LGALS8: variants seen among roughly 807,000 people sequenced by gnomAD.
The protein encoded by LGALS8 is galectin-8.
Under a neutral mutation model 35.9 loss-of-function variants are expected in LGALS8, and 30 were observed. That is an observed-to-expected ratio of 0.83 (90% confidence interval 0.62 to 1.13). The LOEUF (loss-of-function observed/expected upper bound fraction) is 1.13, where lower values mean the gene tolerates loss of function less well. Among genes scored for constraint, LGALS8 ranks in the 50% most tolerant of loss-of-function variants. The probability of loss-of-function intolerance (pLI) is 0.00; values close to 1 mark genes in which losing one functional copy is unlikely to be tolerated. For synonymous variants in LGALS8, 138 were observed against 136.1 expected, an observed-to-expected ratio of 1.01 and a Z score of -0.10; for missense variants, 366 against 388.7, an observed-to-expected ratio of 0.94 and a Z score of 0.49.
At position 236,544,907 on chromosome 1, in the gene LGALS8, T is replaced by C. The variant is rs1328598391; in HGVS notation, c.796T>C (p.Tyr266His). The C allele has an allele frequency of 1.2e-6, 2 of 1,605,116 alleles. No individual in the cohort carries two copies. Among genetic ancestry groups the C allele is most frequent in the Admixed American group, 1.7e-5 (1 of 58,856 alleles). Residue 266 changes from tyrosine (Y) to histidine (H), a missense_variant, in exon 9 of 10, where the codon TAC becomes CAC. Coordinates refer to ENST00000366584, the MANE Select transcript of LGALS8 (RefSeq NM_201544.4). Reference sequence around the variant, plus strand: ...CTCTTTCCCATTTAGTCCTGGGATGTACTTTGAGGTGAGGTTACAGTTTTT... The same window carrying C: ...CTCTTTCCCATTTAGTCCTGGGATGCACTTTGAGGTGAGGTTACAGTTTTT... ...ITSFPFSPGM[Y>H]FEMIIYCDVR...
Position 236,552,344 on chromosome 1 carries a change from A to C in LGALS8, c.*4183A>C, listed in dbSNP as rs1247829049. 3.3e-6 allele frequency: 1 copy of C among 305,416 alleles called. No homozygotes were observed. Among genetic ancestry groups the C allele is most frequent in the East Asian group, 5.3e-5 (1 of 18,800 alleles). 18.9% of individuals were successfully genotyped at this position (305,416 alleles called of 1,614,324 possible). A position where few individuals can be genotyped will look rare whatever the true frequency, so the allele number is the denominator to read the frequency against. On this transcript the variant is annotated 3_prime_UTR_variant, in exon 10 of 10. Transcript: ENST00000366584. ...TTCCAAACTGTGTCCCAGGACTGCAAATCTTTAATGTGAAATGTCTTTTTA... is the reference window on the plus strand; with the variant it reads ...TTCCAAACTGTGTCCCAGGACTGCACATCTTTAATGTGAAATGTCTTTTTA...
In LGALS8 at chr1:236,539,551, C is replaced by T. The variant is rs892126268; in HGVS notation, c.345+462C>T. On this transcript the variant is annotated intron_variant, in intron 4 of 9. Transcript: ENST00000366584. ...AGGAGATCCTAGAAATCCTTGATGT[C>T]AGTTCCATCTCTGGCTTCATGGAGT... is the stretch of plus-strand genomic sequence containing the variant. Among the ~76,000 whole-genome samples the T allele has an allele frequency of 7.9e-5, 12 of 152,164 alleles. 1 individual carries two copies. Among genetic ancestry groups the T allele is most frequent in the African/African-American group, 2.9e-4 (12 of 41,410 alleles).
At chr1:236,543,187 G>T in intron 7 of LGALS8, 2 of 711,324 alleles carry the variant, frequency 2.8e-6, no homozygotes, top group Non-Finnish European at 2.4e-6. Context: ...AGTCAACCAG[G>T]CCTGCCTCTG....
chr1:236,547,630 T>C (rs1207008644), intron 9 of LGALS8, among the ~76,000 whole-genome samples: 2 of 91,958 alleles, frequency 2.2e-5, no homozygotes, highest in African/African-American at 6.6e-5. Flanking sequence ...AAAGCAACCA[T>C]ATTAGGAGTG....
chr1:236,543,615 T>C lies in LGALS8; in HGVS notation c.605T>C (p.Val202Ala), dbSNP rs930668604. 2.5e-6 allele frequency: 4 copies of C among 1,614,024 alleles called. No homozygotes were observed. The highest frequency in any genetic ancestry group is 1.7e-6 in the Non-Finnish European group (2 of 1,179,964). The change falls in exon 8 of 10, where the codon GTC (valine) becomes GCC (alanine). Residue 202 changes from valine to alanine, a missense_variant. Coordinates refer to ENST00000366584, the MANE Select transcript of LGALS8 (RefSeq NM_201544.4). ...NTPMGPGRTVVVKGEVNANAK... is the reference protein window; with the variant it reads ...NTPMGPGRTVAVKGEVNANAK... ...CCCATGGGCCCTGGACGAACTGTCG[T>C]CGTTAAAGGAGAAGTGAATGCAAAT... is the stretch of plus-strand genomic sequence containing the variant.
At chr1:236,522,471 T>C (rs1660582526), upstream of LGALS8, among the ~76,000 whole-genome samples, 1 of 152,064 alleles carries the variant, frequency 6.6e-6, no homozygotes, top group Non-Finnish European at 1.5e-5. Flanking sequence ...CTGGGCATAG[T>C]GGTGTGCGTC....
intron 8 of LGALS8, 45 bp from the exon 9 acceptor site, chr1:236,544,705 C>T (rs1262436125): frequency 1.3e-5 from 20 of 1,502,050 alleles, no homozygotes; most frequent in Non-Finnish European, 1.6e-5. Context: ...CTACTCTGTC[C>T]TACTTGGTTA....
chr1:236,543,388 A>G, intron 7 of LGALS8, 172 bp from the exon 8 acceptor site: 1 of 708,536 alleles, frequency 1.4e-6, no homozygotes, highest in Non-Finnish European at 2.6e-6. Context: ...GCTTCGAGCC[A>G]GGGACAGTGC....
chr1:236,547,746 AG>A (rs748272526), intron 9 of LGALS8, among the ~76,000 whole-genome samples: 13 of 152,156 alleles, frequency 8.5e-5, no homozygotes, highest in Non-Finnish European at 1.6e-4. Context: ...GGCTGTGTTG[AG>A]GAAAGGAGGG....
chr1:236,540,517 GT>G (rs745348275), intron 4 of LGALS8, 46 bp from the exon 5 acceptor site: 393 of 1,277,276 alleles, frequency 3.1e-4, no homozygotes, highest in South Asian at 9.1e-4. Context: ...TTTATTAACT[GT>G]TTTTTTTTGG....
chr1:236,518,857 T>G (rs1660474411), upstream of LGALS8, among the ~76,000 whole-genome samples: 1 of 152,130 alleles, frequency 6.6e-6, no homozygotes, highest in African/African-American at 2.4e-5. Flanking sequence ...TCCAAAAATT[T>G]TACAATCATG....
intron 7 of LGALS8, chr1:236,543,280 G>C: frequency 1.6e-6 from 1 of 636,196 alleles, no homozygotes; most frequent in Non-Finnish European, 2.8e-6. Context: ...TCAGACCCCA[G>C]GCACAGGGGG....
Position 236,552,344 on chromosome 1 carries a change from A to T in LGALS8, c.*4183A>T. The T allele has an allele frequency of 3.3e-6, 1 of 305,534 alleles. No individual in the cohort carries two copies. The highest frequency in any genetic ancestry group is 6.0e-6 in the Non-Finnish European group (1 of 167,588). The allele number at this position is 305,534 out of a possible 1,614,324, so 18.9% of individuals were successfully genotyped here. On this transcript the variant is annotated 3_prime_UTR_variant, in exon 10 of 10. Coordinates refer to ENST00000366584, the MANE Select transcript of LGALS8 (RefSeq NM_201544.4). ...TTCCAAACTGTGTCCCAGGACTGCA[A>T]ATCTTTAATGTGAAATGTCTTTTTA... is the stretch of plus-strand genomic sequence containing the variant.
intron 2 of LGALS8, among the ~76,000 whole-genome samples, chr1:236,532,759 G>A (rs1306765717): frequency 2.0e-5 from 3 of 152,140 alleles, no homozygotes; most frequent in African/African-American, 4.8e-5. Context: ...CAGGAGAATC[G>A]CTTGAACCCG....
At chr1:236,539,132 A>G in intron 4 of LGALS8, 43 bp downstream of exon 4, 14 of 1,462,822 alleles carry the variant, frequency 9.6e-6, no homozygotes, top group Non-Finnish European at 1.3e-5. Context: ...ATTAGTGAGC[A>G]GGAGTGCACA....
Position 236,549,018 on chromosome 1 carries a change from A to C in LGALS8, c.*857A>C, listed in dbSNP as rs1214793179. The C allele has an allele frequency of 1.3e-5, 5 of 398,516 alleles. No homozygotes were observed. The highest frequency in any genetic ancestry group is 2.2e-5 in the Non-Finnish European group (5 of 226,060). The allele number at this position is 398,516 out of a possible 1,614,324, so 24.7% of individuals were successfully genotyped here. A position where few individuals can be genotyped will look rare whatever the true frequency, so the allele number is the denominator to read the frequency against. Reference sequence around the variant, plus strand: ...AGGCAAGATGCATTCAATTTGAAAGATATTTATGGGCAACAAAGTAAGGTC... The same window carrying C: ...AGGCAAGATGCATTCAATTTGAAAGCTATTTATGGGCAACAAAGTAAGGTC... On this transcript the variant is annotated 3_prime_UTR_variant, in exon 10 of 10. Transcript: ENST00000366584.
intron 7 of LGALS8, 132 bp downstream of exon 7, chr1:236,542,919 G>C (rs1416569266): frequency 6.2e-7 from 1 of 1,614,158 alleles, no homozygotes; most frequent in Non-Finnish European, 8.5e-7. Context: ...CTACAGCCTA[G>C]TAATAGAGGA....
chr1:236,551,300 A>G lies in LGALS8; in HGVS notation c.*3139A>G. ...TCCAAGAGCTAAGAAACAAAGGAGA[A>G]TGTACTTTTGTAGCTTAGATAAGCA... is the stretch of plus-strand genomic sequence containing the variant. On this transcript the variant is annotated 3_prime_UTR_variant, in exon 10 of 10. Transcript: ENST00000366584. The G allele has an allele frequency of 3.1e-6, 1 of 327,194 alleles. No homozygotes were observed. The highest frequency in any genetic ancestry group is 4.8e-5 in the South Asian group (1 of 20,642). The allele number at this position is 327,194 out of a possible 1,614,324, so 20.3% of individuals were successfully genotyped here.
chr1:236,535,417 T>C (rs1023038265), intron 2 of LGALS8, among the ~76,000 whole-genome samples: 37 of 151,996 alleles, frequency 2.4e-4, no homozygotes, highest in African/African-American at 8.9e-4. Flanking sequence ...TTAATGTTTA[T>C]ATTTATTTAG....
Sources: allele counts gnomAD v4.1 joint callset (sites outside exome capture counted in the v4.1 genomes callset), GRCh38; gene constraint gnomAD v4.1.1; transcripts MANE v1.5; gene names NCBI Gene and HGNC (gene_info 2026-07-23, HGNC 2026-07-21).